Variants in EXOC4 observed in about 807,000 individuals in gnomAD.
The protein encoded by EXOC4 is exocyst complex component 4, also known as SEC8-like 1.
In EXOC4, 71 loss-of-function variants were observed where a neutral mutation model predicts 107.2. That is an observed-to-expected ratio of 0.66 (90% CI 0.55 to 0.81). The LOEUF is 0.81. Ranked by LOEUF, EXOC4 falls within the 30% of genes least tolerant of loss-of-function variation. The pLI is 0.00. For missense variants in EXOC4, 1,108 were observed against 1,189.6 expected (o/e 0.93, Z 1.01); for synonymous variants, 456 against 441.2 (o/e 1.03, Z -0.42).
rs955072703 is a variant in EXOC4 at position 133,290,227 on chromosome 7, T to G, written c.471+1111T>G. Among the ~76,000 whole-genome samples the G allele has an allele frequency of 5.3e-5, 8 of 152,102 alleles. No homozygotes were observed. In the South Asian group the frequency reaches 1.0e-3, roughly 20 times the overall value. On this transcript the variant is annotated intron_variant, in intron 3 of 17. Coordinates refer to ENST00000253861, the MANE Select transcript of EXOC4 (RefSeq NM_021807.4). ...TAATGGTTGGCCCTTGGCTGGGAGT[T>G]TAAGGCTGCAGTGAGTCATGATCAG...
intron 11 of EXOC4, among the ~76,000 whole-genome samples, chr7:133,847,670 T>G (rs952391437): frequency 7.7e-5 from 11 of 143,410 alleles, no homozygotes; most frequent in Non-Finnish European, 1.5e-4. Context: ...CAGGTGTGAG[T>G]CACTGTGCCC....
chr7:133,281,746 A>AGG (rs2150533936), intron 2 of EXOC4, among the ~76,000 whole-genome samples: 1 of 150,586 alleles, frequency 6.6e-6, no homozygotes, highest in East Asian at 2.0e-4. Flanking sequence ...CTGTTGCCCA[A>AGG]GCTGGAGGGC....
At chr7:133,815,998 G>A (rs1249728171) in intron 10 of EXOC4, among the ~76,000 whole-genome samples, 2 of 152,198 alleles carry the variant, frequency 1.3e-5, no homozygotes, top group Non-Finnish European at 2.9e-5. Flanking sequence ...AGGCACCACA[G>A]CTGCTTGCTT....
chr7:133,653,277 A>G (rs1455773831), intron 10 of EXOC4, among the ~76,000 whole-genome samples: 4 of 152,208 alleles, frequency 2.6e-5, no homozygotes, highest in Non-Finnish European at 4.4e-5. Flanking sequence ...TTTGTAATCC[A>G]AAACCATAAC....
intron 7 of EXOC4, among the ~76,000 whole-genome samples, chr7:133,434,876 C>T (rs559107944): frequency 2.0e-5 from 3 of 151,922 alleles, no homozygotes; most frequent in Admixed American, 6.6e-5. Flanking sequence ...TGATAGAGAC[C>T]GATTGCTTTA....
At chr7:133,753,540 G>A (rs981865198) in intron 10 of EXOC4, among the ~76,000 whole-genome samples, 2 of 152,176 alleles carry the variant, frequency 1.3e-5, no homozygotes, top group Non-Finnish European at 2.9e-5. Flanking sequence ...GAGATATACT[G>A]AAGACATTAA....
intron 1 of EXOC4, among the ~76,000 whole-genome samples, chr7:133,255,200 CAG>C (rs1340572945): frequency 1.4e-5 from 2 of 144,784 alleles, no homozygotes; most frequent in South Asian, 4.4e-4. Flanking sequence ...TTTTTTGAGA[CAG>C]AGTCTTGCTC....
intron 9 of EXOC4, among the ~76,000 whole-genome samples, chr7:133,552,013 T>A (rs994880698): frequency 7.9e-5 from 12 of 152,140 alleles, no homozygotes; most frequent in Non-Finnish European, 1.5e-4. Flanking sequence ...ATTTTGGACA[T>A]TTTTAAAAGT....
At chr7:133,429,468 T>G (rs752391243) in intron 7 of EXOC4, among the ~76,000 whole-genome samples, 5 of 152,218 alleles carry the variant, frequency 3.3e-5, no homozygotes, top group Non-Finnish European at 5.9e-5. Context: ...TAAGTCACCA[T>G]TTTAAAGAAT....
intron 10 of EXOC4, among the ~76,000 whole-genome samples, chr7:133,649,975 AAG>A (rs1803098977): frequency 6.6e-6 from 1 of 152,200 alleles, no homozygotes; most frequent in African/African-American, 2.4e-5. Context: ...TTTCAGGAGT[AAG>A]AGAAAGTTTA....
chr7:133,271,927 C>A (rs972133600), intron 1 of EXOC4, among the ~76,000 whole-genome samples: 2 of 151,846 alleles, frequency 1.3e-5, no homozygotes, highest in African/African-American at 4.8e-5. Context: ...AAACCTAATG[C>A]CCAGAGTTAA....
At chr7:133,653,308 C>T (rs185482863) in intron 10 of EXOC4, among the ~76,000 whole-genome samples, 29 of 152,236 alleles carry the variant, frequency 1.9e-4, no homozygotes, top group Non-Finnish European at 2.9e-4. Context: ...CTGGCTTTTT[C>T]GCCCTAAAGA....
chr7:133,545,546 C>T (rs544630003), intron 9 of EXOC4, among the ~76,000 whole-genome samples: 4 of 152,204 alleles, frequency 2.6e-5, no homozygotes, highest in African/African-American at 9.6e-5. Context: ...CACTCATAGT[C>T]ATAAAATCAG....
At chr7:133,654,373 G>A (rs1803235363) in intron 10 of EXOC4, among the ~76,000 whole-genome samples, 1 of 152,110 alleles carries the variant, frequency 6.6e-6, no homozygotes, top group Admixed American at 6.6e-5. Context: ...AAATGGGAAT[G>A]ATATTATTAA....
intron 10 of EXOC4, among the ~76,000 whole-genome samples, chr7:133,773,119 C>T (rs1181571953): frequency 1.3e-5 from 2 of 151,954 alleles, no homozygotes; most frequent in Non-Finnish European, 2.9e-5. Flanking sequence ...TAAGTGCCTC[C>T]TAAGGGACAT....
chr7:134,052,104 CGACCCTTTTCATA>C (rs1795808122), intron 17 of EXOC4, among the ~76,000 whole-genome samples: 1 of 152,140 alleles, frequency 6.6e-6, no homozygotes, highest in Non-Finnish European at 1.5e-5. Flanking sequence ...ACGTCATTGA[CGACCCTTTTCATA>C]GACACATTGG....
At chr7:133,446,306 T>A (rs1798218323) in intron 7 of EXOC4, among the ~76,000 whole-genome samples, 1 of 152,206 alleles carries the variant, frequency 6.6e-6, no homozygotes, top group Non-Finnish European at 1.5e-5. Flanking sequence ...CGAGGGAGAC[T>A]TTATTCCATT....
intron 9 of EXOC4, among the ~76,000 whole-genome samples, chr7:133,518,925 A>C (rs1281300228): frequency 2.0e-5 from 3 of 152,178 alleles, no homozygotes; most frequent in Non-Finnish European, 4.4e-5. Flanking sequence ...TGATTGCACA[A>C]CACCATGAAT....
intron 17 of EXOC4, among the ~76,000 whole-genome samples, chr7:134,029,485 T>C (rs983268497): frequency 1.2e-4 from 18 of 147,058 alleles, no homozygotes; most frequent in Admixed American, 3.0e-4. Context: ...TTTTTGGTGG[T>C]CTATTGATTG....
Sources: gnomAD v4.1 joint callset for allele counts (sites outside exome capture counted in the v4.1 genomes callset) on GRCh38, gnomAD v4.1.1 for gene constraint, MANE v1.5 for transcripts, NCBI Gene and HGNC (gene_info 2026-07-23, HGNC 2026-07-21) for gene names.